The following SNTG1 variants were observed in gnomAD, a reference collection of about 807,000 sequenced individuals.
SNTG1 encodes syntrophin gamma 1.
Under a neutral mutation model 74.7 loss-of-function variants are expected in SNTG1, and 39 were observed. That is an observed-to-expected ratio of 0.52 (90% CI 0.40 to 0.68). The LOEUF is 0.68. Ranked by LOEUF, SNTG1 falls within the 30% of genes least tolerant of loss-of-function variation. The probability of loss-of-function intolerance (pLI) is 0.00; values close to 1 mark genes in which losing one functional copy is unlikely to be tolerated. For missense variants in SNTG1, 685 were observed against 609.5 expected (o/e 1.12, Z -1.30); for synonymous variants, 254 against 217.1 (o/e 1.17, Z -1.49).
At chr8:49,937,396 C>T (rs1165379925) in intron 1 of SNTG1, among the ~76,000 whole-genome samples, 1 of 152,112 alleles carries the variant, frequency 6.6e-6, no homozygotes, top group Non-Finnish European at 1.5e-5. Context: ...CTGATAATGG[C>T]AATGGTTTCG....
intron 13 of SNTG1, among the ~76,000 whole-genome samples, chr8:50,636,803 C>T (rs1181140019): frequency 6.6e-6 from 1 of 152,014 alleles, no homozygotes; most frequent in African/African-American, 2.4e-5. Flanking sequence ...TTTGGTGTTC[C>T]TGTGGGAGGG....
At chr8:50,770,944 C>A (rs12114583) in intron 18 of SNTG1, among the ~76,000 whole-genome samples, 14,240 of 152,084 alleles carry the variant, frequency 0.094, 1,966 homozygotes, top group African/African-American at 0.3. Context: ...TGTGGCTGCC[C>A]AACCTTGAAC....
intron 1 of SNTG1, among the ~76,000 whole-genome samples, chr8:50,145,842 T>A (rs1334665093): frequency 6.6e-6 from 1 of 151,746 alleles, no homozygotes; most frequent in Non-Finnish European, 1.5e-5. Flanking sequence ...TAATTAGATA[T>A]CTATGAATAA....
chr8:50,607,048 T>C (rs2094817868), intron 13 of SNTG1, among the ~76,000 whole-genome samples: 1 of 151,930 alleles, frequency 6.6e-6, no homozygotes, highest in Non-Finnish European at 1.5e-5. Context: ...TTCTCTGCTT[T>C]TAACGTCTCT....
chr8:49,953,999 T>C (rs1307616450), intron 1 of SNTG1, among the ~76,000 whole-genome samples: 1 of 152,222 alleles, frequency 6.6e-6, no homozygotes, highest in African/African-American at 2.4e-5. Context: ...ATTCCTTTAT[T>C]TCTTTAGTGA....
intron 2 of SNTG1, among the ~76,000 whole-genome samples, chr8:50,252,421 G>T (rs1210102118): frequency 6.6e-6 from 1 of 152,024 alleles, no homozygotes. Flanking sequence ...ACAAAGAGTT[G>T]GGTTTTGGAA....
chr8:50,215,699 C>T (rs1320792829), intron 2 of SNTG1, among the ~76,000 whole-genome samples: 5 of 151,974 alleles, frequency 3.3e-5, no homozygotes, highest in South Asian at 4.1e-4. Flanking sequence ...AAGCTCTCTC[C>T]TTTCAAAAAG....
chr8:50,784,472 T>G (rs1218086287), intron 18 of SNTG1, among the ~76,000 whole-genome samples: 1 of 152,160 alleles, frequency 6.6e-6, no homozygotes, highest in Non-Finnish European at 1.5e-5. Flanking sequence ...GAAAAATGAA[T>G]CAATTTTTCA....
chr8:50,659,922 C>G (rs895026871), intron 15 of SNTG1, among the ~76,000 whole-genome samples: 1 of 151,292 alleles, frequency 6.6e-6, no homozygotes, highest in Non-Finnish European at 1.5e-5. Context: ...TCACTGCAAC[C>G]TCCACCTCCC....
intron 2 of SNTG1, among the ~76,000 whole-genome samples, chr8:50,173,826 T>C (rs1464773083): frequency 6.6e-6 from 1 of 152,216 alleles, no homozygotes; most frequent in African/African-American, 2.4e-5. Context: ...CAATTATCTT[T>C]TTAAAAAATT....
At chr8:50,721,589 G>A (rs893490331) in intron 17 of SNTG1, among the ~76,000 whole-genome samples, 2 of 152,150 alleles carry the variant, frequency 1.3e-5, no homozygotes, top group African/African-American at 4.8e-5. Flanking sequence ...TTAGCAATAA[G>A]AGTTTATTTA....
intron 15 of SNTG1, among the ~76,000 whole-genome samples, chr8:50,660,344 G>A (rs1189000246): frequency 7.5e-5 from 9 of 120,006 alleles, no homozygotes; most frequent in Admixed American, 3.4e-4. Context: ...GAAAGAAAGA[G>A]AAAGAAAGAA....
At chr8:50,021,316 C>T (rs910462524) in intron 1 of SNTG1, among the ~76,000 whole-genome samples, 3 of 152,096 alleles carry the variant, frequency 2.0e-5, no homozygotes, top group East Asian at 1.9e-4. Flanking sequence ...GTCAATTTTA[C>T]TCTTGTTTGT....
chr8:50,761,815 TTG>T lies in SNTG1; in HGVS notation c.1395+9707_1395+9708del, dbSNP rs540051896. ...AAATTATAACTTAGTTTGACTTAGATTGTGAAGAATTCAAGAATGAAGTTTAA... is the reference window on the plus strand; with the variant it reads ...AAATTATAACTTAGTTTGACTTAGATTGAAGAATTCAAGAATGAAGTTTAA... On this transcript the variant is annotated intron_variant, in intron 18 of 18. Transcript: ENST00000642720. Among the ~76,000 whole-genome samples the T allele has an allele frequency of 1.1e-4, 16 of 152,068 alleles. No homozygotes were observed. The South Asian group carries it at 3.1e-3, about 30-fold the overall frequency.
At chr8:50,329,255 G>A (rs934682523) in intron 2 of SNTG1, among the ~76,000 whole-genome samples, 1 of 152,104 alleles carries the variant, frequency 6.6e-6, no homozygotes, top group African/African-American at 2.4e-5. Context: ...GGGGTATGGA[G>A]GACAGTGGCC....
At chr8:50,435,539 C>A (rs949516052) in intron 4 of SNTG1, among the ~76,000 whole-genome samples, 1 of 152,154 alleles carries the variant, frequency 6.6e-6, no homozygotes, top group Admixed American at 6.6e-5. Context: ...AGAGCTACCG[C>A]AAACACAAAC....
chr8:49,919,945 A>G lies in SNTG1; in HGVS notation c.-103+7714A>G, dbSNP rs1268428132. On this transcript the variant is annotated intron_variant, in intron 1 of 18. Coordinates refer to ENST00000642720, the MANE Select transcript of SNTG1 (RefSeq NM_018967.5). ...AGATGAGCCAATCAAGAGTAATACA[A>G]TAGCGCACACTTAGAGTCAAAGTAA... Among the ~76,000 whole-genome samples, 8 of 152,116 alleles carry G rather than the reference A, an allele frequency of 5.3e-5. 1 individual carries two copies. Among genetic ancestry groups the G allele is most frequent in the Admixed American group, 5.2e-4 (8 of 15,266 alleles).
chr8:50,501,060 G>A (rs533112830), intron 8 of SNTG1, among the ~76,000 whole-genome samples: 1 of 152,296 alleles, frequency 6.6e-6, no homozygotes, highest in African/African-American at 2.4e-5. Flanking sequence ...GAGTGGGGCA[G>A]AGTGTTCTGA....
chr8:50,207,386 G>A (rs1304462236), intron 2 of SNTG1, among the ~76,000 whole-genome samples: 1 of 152,110 alleles, frequency 6.6e-6, no homozygotes, highest in East Asian at 1.9e-4. Context: ...GATGTAGATT[G>A]TATTTCTATG....
Sources: gnomAD v4.1 joint callset for allele counts (sites outside exome capture counted in the v4.1 genomes callset) on GRCh38, gnomAD v4.1.1 for gene constraint, MANE v1.5 for transcripts, NCBI Gene and HGNC (gene_info 2026-07-23, HGNC 2026-07-21) for gene names.